Variants in PAICS observed in about 807,000 individuals in gnomAD.
PAICS encodes the protein phosphoribosylaminoimidazole carboxylase and phosphoribosylaminoimidazolesuccinocarboxamide synthase, also known as bifunctional phosphoribosylaminoimidazole carboxylase/phosphoribosylaminoimidazole succinocarboxamide synthetase.
In PAICS, 33 loss-of-function variants were observed where a neutral mutation model predicts 53.7. The observed-to-expected ratio is 0.61, with a 90% CI of 0.47 to 0.82. PAICS has a LOEUF of 0.82. PAICS is among the 40% of genes least tolerant of loss of function. The probability of loss-of-function intolerance (pLI) is 0.00; values close to 1 mark genes in which losing one functional copy is unlikely to be tolerated. For missense variants in PAICS, 394 were observed against 494.1 expected (o/e 0.80, Z 1.92); for synonymous variants, 141 against 167.2 (o/e 0.84, Z 1.21).
In PAICS at chr4:56,453,615, C is replaced by T. The variant is rs369448742; in HGVS notation, c.965C>T (p.Pro322Leu). 21 of 1,593,290 alleles carry T rather than the reference C, an allele frequency of 1.3e-5. No individual in the cohort carries two copies. The highest frequency in any genetic ancestry group is 5.4e-5 in the African/African-American group (4 of 74,504). ...IKAEYEGDGI[P>L]TVFVAVAGRS... is the part of the protein sequence containing the mutation. ...GTCATTTCCCTAGGGGATGGCATTC[C>T]TACTGTATTTGTGGCAGTGGCAGGC... is the stretch of plus-strand genomic sequence containing the variant. The change falls in exon 8 of 9, where the codon CCT becomes CTT. Residue 322 changes from proline (P) to leucine (L), a missense_variant. Around this residue, in one of 3 missense-constraint regions of PAICS, gnomAD observed 131 missense variants for 205.5 expected, o/e 0.64. Transcript: ENST00000512576.
chr4:56,425,358 A>G, the PAICS span: 2 of 594,660 alleles, frequency 3.4e-6, no homozygotes, highest in Non-Finnish European at 4.2e-6. Context: ...AGAACTTTTC[A>G]TTTTAATCCA....
Position 56,446,800 on chromosome 4 carries a change from C to CTT in PAICS, c.323_324dup (p.Leu109PhefsTer38). On this transcript the variant is annotated frameshift_variant, in exon 3 of 9. Coordinates refer to ENST00000512576, the MANE Select transcript of PAICS (RefSeq NM_001079524.2). LOFTEE classifies it high-confidence loss of function. Reference sequence around the variant, plus strand: ...GTTTGCAGAAGAATAGCAACTGGTTCTTTTCTCAAAAGAAATCCTGGTGTC... The same window carrying CTT: ...GTTTGCAGAAGAATAGCAACTGGTTCTTTTTTCTCAAAAGAAATCCTGGTGTC... The CTT allele has an allele frequency of 6.2e-7, 1 of 1,609,688 alleles. No individual in the cohort carries two copies. The highest frequency in any genetic ancestry group is 8.5e-7 in the Non-Finnish European group (1 of 1,177,562).
upstream of PAICS, chr4:56,435,631 G>T (rs1717871600): frequency 1.4e-6 from 2 of 1,453,938 alleles, no homozygotes; most frequent in African/African-American, 1.4e-5. Flanking sequence ...GGCGCGCGCT[G>T]TCCCTAGGTG....
At chr4:56,457,445 A>G (rs1435653933) in intron 8 of PAICS, among the ~76,000 whole-genome samples, 1 of 152,086 alleles carries the variant, frequency 6.6e-6, no homozygotes, top group Non-Finnish European at 1.5e-5. Flanking sequence ...AAATTGCTAC[A>G]GTGCTTTAAA....
intron 8 of PAICS, among the ~76,000 whole-genome samples, chr4:56,454,437 C>G (rs1719087525): frequency 6.6e-6 from 1 of 152,070 alleles, no homozygotes; most frequent in Non-Finnish European, 1.5e-5. Flanking sequence ...TCTTTTAACT[C>G]TTGGGGACAC....
intron 1 of PAICS, among the ~76,000 whole-genome samples, chr4:56,437,256 G>GGT (rs57161391): frequency 0.14 from 16,913 of 124,122 alleles, 1,179 homozygotes; most frequent in Middle Eastern, 0.18. Flanking sequence ...ATGCCATGAT[G>GGT]GTGTGTGTGT....
upstream of PAICS, among the ~76,000 whole-genome samples, chr4:56,434,586 TCTTGGCATAGAGA>T (rs1717795288): frequency 6.6e-6 from 1 of 152,198 alleles, no homozygotes; most frequent in South Asian, 2.1e-4. Context: ...AGTGTATGGA[TCTTGGCATAGAGA>T]CACTACTCCC....
chr4:56,410,814 C>T, the PAICS span: 2 of 981,142 alleles, frequency 2.0e-6, no homozygotes, highest in African/African-American at 3.6e-5. Flanking sequence ...CAGTATGAAC[C>T]TGCCACACAA....
Position 56,457,683 on chromosome 4 carries a change from TA to T in PAICS, c.1112-1686del, listed in dbSNP as rs751674092. On this transcript the variant is annotated intron_variant, in intron 8 of 8. Transcript: ENST00000512576. ...TTAAGTTTTTTTTTTTTTTTTTTTT[TA>T]AATGGAGTTTCGCTCCTGTTGCCCA... Among the ~76,000 whole-genome samples, 40 of 141,784 alleles carry T rather than the reference TA, an allele frequency of 2.8e-4. 1 individual carries two copies. In the East Asian group the frequency reaches 7.8e-3, roughly 28 times the overall value. 93.0% of individuals were successfully genotyped at this position (141,784 alleles called of 152,430 possible). A position where few individuals can be genotyped will look rare whatever the true frequency, so the allele number is the denominator to read the frequency against.
intron 7 of PAICS, 134 bp downstream of exon 7, chr4:56,452,186 T>G: frequency 1.6e-6 from 1 of 613,022 alleles, no homozygotes; most frequent in Non-Finnish European, 2.8e-6. Flanking sequence ...TACTAGGCTT[T>G]CTTTTTTTTT....
chr4:56,420,912 G>C, the PAICS span: 1 of 152,176 alleles, frequency 6.6e-6, no homozygotes, highest in African/African-American at 2.4e-5. Context: ...AATCAAAGTT[G>C]TAAGGCTCTG....
the PAICS span, chr4:56,422,196 C>A: frequency 6.6e-6 from 1 of 152,140 alleles, no homozygotes; most frequent in South Asian, 2.1e-4. Context: ...ATCCTTGGAA[C>A]CTGGGAGGCA....
rs77267784 is a variant in PAICS, at chr4:56,437,960, T to A, written c.16+1632T>A. On this transcript the variant is annotated intron_variant, in intron 1 of 8. Transcript: ENST00000512576. ...GTACCTGTACCTCTAAAATGGCAAA[T>A]CTCTAAAATCTTTGCTCTTCCACTT... Among the ~76,000 whole-genome samples the A allele has an allele frequency of 3.6e-3, 539 of 150,070 alleles. 16 individuals are homozygous for A. The East Asian group carries it at 0.076, about 21-fold the overall frequency.
chr4:56,422,781 C>A, the PAICS span: 6 of 152,218 alleles, frequency 3.9e-5, no homozygotes, highest in East Asian at 1.9e-4. Flanking sequence ...TGGATCATAA[C>A]TCAAAACACA....
chr4:56,450,747 C>A, intron 6 of PAICS, 45 bp downstream of exon 6: 3 of 911,584 alleles, frequency 3.3e-6, no homozygotes, highest in Non-Finnish European at 5.2e-6. Flanking sequence ...TGTTTTTCTT[C>A]TAAGAAAATC....
intron 5 of PAICS, among the ~76,000 whole-genome samples, chr4:56,450,269 C>T (rs1718840238): frequency 6.6e-6 from 1 of 152,102 alleles, no homozygotes; most frequent in African/African-American, 2.4e-5. Context: ...AGCAAACTAC[C>T]ATGGCACATG....
At chr4:56,447,781 TTAA>T (rs2110088691) in intron 3 of PAICS, among the ~76,000 whole-genome samples, 1 of 152,202 alleles carries the variant, frequency 6.6e-6, no homozygotes, top group Non-Finnish European at 1.5e-5. Context: ...AGTAAACAAA[TTAA>T]GAGTAATAGT....
upstream of PAICS, chr4:56,436,039 C>A (rs577972842): frequency 6.6e-6 from 10 of 1,518,372 alleles, no homozygotes; most frequent in East Asian, 1.5e-4. Flanking sequence ...CCTGTCCGGG[C>A]ACTGCGCCAG....
At chr4:56,434,689 A>T (rs1717801003), upstream of PAICS, among the ~76,000 whole-genome samples, 1 of 152,228 alleles carries the variant, frequency 6.6e-6, no homozygotes, top group African/African-American at 2.4e-5. Context: ...GACGTCTACC[A>T]ATGAATCTTT....
Sources: gnomAD v4.1 joint callset for allele counts (sites outside exome capture counted in the v4.1 genomes callset) on GRCh38, gnomAD v4.1.1 for gene constraint, gnomAD v4.1.1 regional missense constraint, MANE v1.5 for transcripts, NCBI Gene and HGNC (gene_info 2026-07-23, HGNC 2026-07-21) for gene names.